The following PCED1B variants were observed in gnomAD, a reference collection of about 807,000 sequenced individuals.
The protein encoded by PCED1B is PC-esterase domain containing 1B.
For synonymous variants in PCED1B, 251 were observed against 246.1 expected (o/e 1.02, Z -0.19); for missense variants, 573 against 573.9 (o/e 1.00, Z 0.02).
rs80320464 is a variant in PCED1B, at chr12:47,150,448, C to T, written c.-526+46253C>T. On this transcript the variant is annotated intron_variant, in intron 2 of 3. Coordinates refer to ENST00000546455, the MANE Select transcript of PCED1B (RefSeq NM_138371.3). ...CAAAAATTAGCTGGGCACAGTGGTG[C>T]GTGCCTGTAGTCCCAGCTACTAGGG... Among the ~76,000 whole-genome samples, 269 of 151,744 alleles carry T rather than the reference C, an allele frequency of 1.8e-3. 7 individuals carry two copies. In the East Asian group the frequency reaches 0.039, roughly 22 times the overall value.
At chr12:47,226,103 C>T (rs544828664) in intron 3 of PCED1B, among the ~76,000 whole-genome samples, 2 of 152,230 alleles carry the variant, frequency 1.3e-5, no homozygotes, top group South Asian at 4.2e-4. Flanking sequence ...ATACATATAT[C>T]TGTGACAGCT....
chr12:47,214,555 C>A (rs968099207), intron 2 of PCED1B, among the ~76,000 whole-genome samples: 1 of 152,072 alleles, frequency 6.6e-6, no homozygotes, highest in East Asian at 1.9e-4. Context: ...TGCCTGTGAT[C>A]CCAGCACTTT....
chr12:47,210,157 G>C (rs538087596), intron 2 of PCED1B: 8 of 152,246 alleles, frequency 5.3e-5, no homozygotes, highest in Non-Finnish European at 8.8e-5. Context: ...TGCGTGGTCA[G>C]TTTATTCAAC....
chr12:47,235,693 T>A lies in PCED1B; in HGVS notation c.630T>A (p.Asp210Glu). ...CCGAGGCACGTAAACATAACTTCGA[T>A]GTACTGGACTTGCATTTCCACTTCC... ...SATEARKHNF[D>E]VLDLHFHFRH... The change falls in exon 4 of 4, where the codon GAT becomes GAA. Residue 210 changes from aspartate to glutamate, a missense_variant. By Grantham distance (45) the Asp-to-Glu change is conservative (BLOSUM62 2). Coordinates refer to ENST00000546455, the MANE Select transcript of PCED1B (RefSeq NM_138371.3). 1 of 1,612,746 alleles carries A rather than the reference T, an allele frequency of 6.2e-7. No individual in the cohort carries two copies. Among genetic ancestry groups the A allele is most frequent in the South Asian group, 1.1e-5 (1 of 90,966 alleles).
chr12:47,220,035 T>A (rs1943423966), intron 3 of PCED1B, among the ~76,000 whole-genome samples: 1 of 137,696 alleles, frequency 7.3e-6, no homozygotes, highest in African/African-American at 2.7e-5. Flanking sequence ...ATCATGCCCC[T>A]GTACTCCCAG....
intron 2 of PCED1B, among the ~76,000 whole-genome samples, chr12:47,178,202 G>A (rs772979454): frequency 2.0e-5 from 3 of 152,166 alleles, no homozygotes; most frequent in Non-Finnish European, 2.9e-5. Context: ...CACCTTTGGC[G>A]TAGACACCAG....
At chr12:47,112,389 C>A (rs12819763) in intron 2 of PCED1B, among the ~76,000 whole-genome samples, 6,101 of 152,242 alleles carry the variant, frequency 0.04, 190 homozygotes, top group Non-Finnish European at 0.06. Flanking sequence ...AAGTAAGATC[C>A]ATTTTAATAA....
At chr12:47,095,883 C>T (rs929148585) in intron 1 of PCED1B, among the ~76,000 whole-genome samples, 1 of 151,922 alleles carries the variant, frequency 6.6e-6, no homozygotes, top group Non-Finnish European at 1.5e-5. Context: ...ACTTTTGGCT[C>T]ATTTGTGGGT....
At chr12:47,110,322 C>T (rs1939135525) in intron 2 of PCED1B, among the ~76,000 whole-genome samples, 1 of 152,136 alleles carries the variant, frequency 6.6e-6, no homozygotes, top group African/African-American at 2.4e-5. Context: ...ATAATGTGAG[C>T]TTTTGTCAAC....
At chr12:47,224,225 G>A (rs1943568384) in intron 3 of PCED1B, among the ~76,000 whole-genome samples, 1 of 152,174 alleles carries the variant, frequency 6.6e-6, no homozygotes, top group Non-Finnish European at 1.5e-5. Context: ...TAAAACAAAA[G>A]TTTAAAAAAG....
At chr12:47,135,025 C>G (rs1341701803) in intron 2 of PCED1B, among the ~76,000 whole-genome samples, 2 of 152,116 alleles carry the variant, frequency 1.3e-5, no homozygotes, top group Non-Finnish European at 2.9e-5. Context: ...ACATACATTA[C>G]AGTATCTTTT....
intron 2 of PCED1B, among the ~76,000 whole-genome samples, chr12:47,150,239 A>G (rs1940939513): frequency 6.6e-6 from 1 of 152,088 alleles, no homozygotes; most frequent in Non-Finnish European, 1.5e-5. Flanking sequence ...GACAGTAAAT[A>G]AAACAAAGCC....
chr12:47,150,392 G>C (rs1940946058), intron 2 of PCED1B, among the ~76,000 whole-genome samples: 1 of 151,756 alleles, frequency 6.6e-6, no homozygotes, highest in Non-Finnish European at 1.5e-5. Context: ...TGGCCAACAT[G>C]GTGAAACCCT....
intron 1 of PCED1B, among the ~76,000 whole-genome samples, chr12:47,098,724 C>T (rs1938581339): frequency 6.6e-6 from 1 of 152,138 alleles, no homozygotes; most frequent in Admixed American, 6.5e-5. Context: ...CCTCGTGATC[C>T]GCCCGCCTCC....
chr12:47,082,867 G>A lies in PCED1B; in HGVS notation c.-609+3142G>A, dbSNP rs116685045. Among the ~76,000 whole-genome samples the A allele has an allele frequency of 3.3e-3, 503 of 152,032 alleles. 5 individuals are homozygous for A. Among genetic ancestry groups the A allele is most frequent in the African/African-American group, 0.012 (479 of 41,428 alleles). On this transcript the variant is annotated intron_variant, in intron 1 of 3. Transcript: ENST00000546455. ...AGATGGTTGAGTTGCCTTCTCAGGAGTTTAAAATAGGATGCGATAGATATT... is the reference window on the plus strand; with the variant it reads ...AGATGGTTGAGTTGCCTTCTCAGGAATTTAAAATAGGATGCGATAGATATT...
At chr12:47,195,341 A>G (rs1592268189) in intron 2 of PCED1B, among the ~76,000 whole-genome samples, 1 of 151,678 alleles carries the variant, frequency 6.6e-6, no homozygotes, top group East Asian at 1.9e-4. Flanking sequence ...AAAAAAAAAA[A>G]GAAAAAAAGA....
intron 2 of PCED1B, among the ~76,000 whole-genome samples, chr12:47,191,616 C>T (rs558596134): frequency 8.9e-4 from 135 of 152,272 alleles, no homozygotes; most frequent in African/African-American, 2.6e-3. Context: ...AGGACTTGGG[C>T]ATAGTCATCA....
chr12:47,156,576 C>G (rs1592214126), intron 2 of PCED1B, among the ~76,000 whole-genome samples: 1 of 152,038 alleles, frequency 6.6e-6, no homozygotes, highest in East Asian at 1.9e-4. Context: ...GCACACAGGG[C>G]TGCTTCTGCT....
chr12:47,080,615 T>A (rs1937651127), intron 1 of PCED1B, among the ~76,000 whole-genome samples: 1 of 152,106 alleles, frequency 6.6e-6, no homozygotes, highest in Non-Finnish European at 1.5e-5. Context: ...TCTATCCCTT[T>A]CCTGACTCAG....
Sources: allele counts gnomAD v4.1 joint callset (sites outside exome capture counted in the v4.1 genomes callset), GRCh38; gene constraint gnomAD v4.1.1; transcripts MANE v1.5; gene names NCBI Gene and HGNC (gene_info 2026-07-23, HGNC 2026-07-21).